The following ATP6V0A4 variants were observed in gnomAD, a reference collection of about 807,000 sequenced individuals.
ATP6V0A4 encodes the protein V-type proton ATPase 116 kDa subunit a 4.
In ATP6V0A4, 86 loss-of-function variants were observed where a neutral mutation model predicts 107.3. That is an observed-to-expected ratio of 0.80 (90% CI 0.67 to 0.96). ATP6V0A4 has a LOEUF of 0.96. ATP6V0A4 is among the 40% of genes least tolerant of loss of function. ATP6V0A4 has a pLI of 0.00. For missense variants in ATP6V0A4, 908 were observed against 1,045.6 expected (o/e 0.87, Z 1.81); for synonymous variants, 353 against 381.4 (o/e 0.93, Z 0.87).
Position 138,796,819 on chromosome 7 carries a change from G to A in ATP6V0A4, c.-121+1215C>T, listed in dbSNP as rs958726536. Among the ~76,000 whole-genome samples, 8 of 150,414 alleles carry A rather than the reference G, an allele frequency of 5.3e-5. 1 individual carries two copies. The highest frequency in any genetic ancestry group is 4.2e-4 in the South Asian group (2 of 4,758). On this transcript the variant is annotated intron_variant, in intron 1 of 21. Transcript: ENST00000310018. ...CACTGTGCTCTCAAGGGGAAGAGGC[G>A]TGTCTCAGTCATCTCAGTCTCCAGT... is the stretch of plus-strand genomic sequence containing the variant.
intron 19 of ATP6V0A4, among the ~76,000 whole-genome samples, chr7:138,716,260 G>A (rs1448615981): frequency 2.0e-5 from 3 of 152,140 alleles, no homozygotes; most frequent in Admixed American, 6.6e-5. Flanking sequence ...TAGTCAAGTC[G>A]GAAAGAAAAC....
At position 138,707,828 on chromosome 7, in the gene ATP6V0A4, T is replaced by C. The variant is rs77901585; in HGVS notation, c.2430-1111A>G. ...ATGGTCACAGCATAACAACTCTTCC[T>C]TCATGGAAGGAGCTTCCCCACCCCC... is the stretch of plus-strand genomic sequence containing the variant. On this transcript the variant is annotated intron_variant, in intron 21 of 21. Transcript: ENST00000310018. Among the ~76,000 whole-genome samples the C allele has an allele frequency of 4.4e-3, 671 of 151,086 alleles. 8 individuals carry two copies. Among genetic ancestry groups the C allele is most frequent in the South Asian group, 0.027 (126 of 4,730 alleles).
At chr7:138,711,775 C>T (rs954818153) in intron 20 of ATP6V0A4, among the ~76,000 whole-genome samples, 10 of 152,254 alleles carry the variant, frequency 6.6e-5, no homozygotes, top group African/African-American at 2.4e-4. Flanking sequence ...CTTGCACAAA[C>T]TCACATACGC....
At chr7:138,764,366 T>C (rs2117320657) in intron 5 of ATP6V0A4, among the ~76,000 whole-genome samples, 1 of 152,202 alleles carries the variant, frequency 6.6e-6, no homozygotes, top group African/African-American at 2.4e-5. Context: ...TTATAAAAAT[T>C]CTACTAATGC....
chr7:138,734,506 G>C (rs563540005), intron 15 of ATP6V0A4, among the ~76,000 whole-genome samples: 1 of 152,160 alleles, frequency 6.6e-6, no homozygotes, highest in Non-Finnish European at 1.5e-5. Context: ...GGAAACAGGG[G>C]AGAAAAATCC....
intron 14 of ATP6V0A4, among the ~76,000 whole-genome samples, chr7:138,740,693 C>T (rs942907067): frequency 2.6e-5 from 4 of 151,770 alleles, no homozygotes; most frequent in Non-Finnish European, 4.4e-5. Context: ...CCGCCTGCCT[C>T]GGCCTCCCAA....
At chr7:138,712,160 G>C (rs1280904682) in intron 20 of ATP6V0A4, among the ~76,000 whole-genome samples, 1 of 152,130 alleles carries the variant, frequency 6.6e-6, no homozygotes, top group Non-Finnish European at 1.5e-5. Flanking sequence ...TCGAACTCCT[G>C]ACCTCAGGTA....
chr7:138,750,852 C>T (rs1355736348), intron 11 of ATP6V0A4, among the ~76,000 whole-genome samples: 1 of 152,156 alleles, frequency 6.6e-6, no homozygotes, highest in Non-Finnish European at 1.5e-5. Flanking sequence ...GTATTCAAAC[C>T]CTGCCTCCTG....
rs142818468 is a variant in ATP6V0A4 at position 138,739,614 on chromosome 7, T to C, written c.1498A>G (p.Ser500Gly). 2,041 of 1,614,146 alleles carry C rather than the reference T, an allele frequency of 1.3e-3. 37 individuals carry two copies. The South Asian group carries it at 0.016, about 13-fold the overall frequency. ...GTWNTHVMEE[S>G]LYLQLDPAIP... is the part of the protein sequence containing the mutation. The stretch of plus-strand genomic sequence containing the variant: ...GCTGGGTCCAGCTGCAGATATAGAC[T>C]TTCCTCCATTACATGAGTACTTTAG... The change falls in exon 15 of 22, where the codon AGT (serine) becomes GGT (glycine). Residue 500 changes from serine (S) to glycine (G), a missense_variant. By Grantham distance (56) the Ser-to-Gly change is moderately conservative. Transcript: ENST00000310018.
At chr7:138,774,893 A>G (rs1435149980) in intron 2 of ATP6V0A4, among the ~76,000 whole-genome samples, 1 of 152,096 alleles carries the variant, frequency 6.6e-6, no homozygotes, top group East Asian at 1.9e-4. Context: ...AGGTAAAAAG[A>G]GACAGAAGCA....
rs765535735 is a variant in ATP6V0A4 at position 138,706,622 on chromosome 7, G to A, written c.*2C>T. On this transcript the variant is annotated 3_prime_UTR_variant, in exon 22 of 22. Transcript: ENST00000310018. ...ACCACCGTGGGAGGTGCAGCCCTCA[G>A]CCTACTCCTCGGCTGTGCCATCCAG... is the stretch of plus-strand genomic sequence containing the variant. 1 of 1,613,848 alleles carries A rather than the reference G, an allele frequency of 6.2e-7. No individual in the cohort carries two copies. The highest frequency in any genetic ancestry group is 8.5e-7 in the Non-Finnish European group (1 of 1,179,886).
intron 12 of ATP6V0A4, 87 bp from the exon 13 acceptor site, chr7:138,747,651 G>A (rs1806023226): frequency 6.4e-7 from 1 of 1,566,824 alleles, no homozygotes; most frequent in Non-Finnish European, 8.7e-7. Flanking sequence ...TCCACGATTT[G>A]CATGCGGGTT....
Position 138,771,197 on chromosome 7 carries a change from G to C in ATP6V0A4, c.51C>G (p.Leu17=), listed in dbSNP as rs1398454105. The C allele has an allele frequency of 6.2e-7, 1 of 1,614,126 alleles. No individual in the cohort carries two copies. The highest frequency in any genetic ancestry group is 8.5e-7 in the Non-Finnish European group (1 of 1,180,020). The change falls in exon 3 of 22, where the codon CTC becomes CTG. Residue 17 remains leucine (L), a synonymous_variant. Coordinates refer to ENST00000310018, the MANE Select transcript of ATP6V0A4 (RefSeq NM_020632.3). ...SEEMCLSQLF[L]QVEAAYCCVA... is the part of the protein sequence containing the mutation. ...CACAGCAATATGCAGCTTCCACCTG[G>C]AGAAACAGTTGTGACAAACACATCT... is the stretch of plus-strand genomic sequence containing the variant.
chr7:138,707,119 TATA>T (rs1210902718), intron 21 of ATP6V0A4, among the ~76,000 whole-genome samples: 20 of 70,512 alleles, frequency 2.8e-4, no homozygotes, highest in African/African-American at 9.4e-4. Flanking sequence ...TATTATTATA[TATA>T]ATATTATATA....
chr7:138,755,839 A>G, intron 9 of ATP6V0A4, 57 bp from the exon 10 acceptor site: 1 of 1,596,406 alleles, frequency 6.3e-7, no homozygotes, highest in Non-Finnish European at 8.5e-7. Context: ...AGCATTCTGC[A>G]TCCCCTTTTC....
At chr7:138,728,631 G>T in intron 18 of ATP6V0A4, 130 bp downstream of exon 18, 2 of 1,233,448 alleles carry the variant, frequency 1.6e-6, no homozygotes, top group Non-Finnish European at 2.4e-6. Flanking sequence ...TACTCAGGGC[G>T]GGTCAGTTCC....
chr7:138,739,278 G>A lies in ATP6V0A4; in HGVS notation c.1572+262C>T, dbSNP rs3734939. ...CAACCAAGTGCCTTTTAAAGAAGCA[G>A]TTATTAACCACCAGGGATATGATTG... On this transcript the variant is annotated intron_variant, in intron 15 of 21. Coordinates refer to ENST00000310018, the MANE Select transcript of ATP6V0A4 (RefSeq NM_020632.3). 0.6 allele frequency among the ~76,000 whole-genome samples: 90,386 copies of A among 151,806 alleles called. 27,462 individuals are homozygous for A. The highest frequency in any genetic ancestry group is 0.92 in the East Asian group (4,720 of 5,154).
intron 8 of ATP6V0A4, among the ~76,000 whole-genome samples, chr7:138,758,141 T>C (rs3857872): frequency 0.18 from 26,902 of 147,980 alleles, 2,535 homozygotes; most frequent in Middle Eastern, 0.24. Context: ...GACTGTCATA[T>C]GTCAAAACAG....
intron 19 of ATP6V0A4, 142 bp from the exon 20 acceptor site, chr7:138,716,023 C>T (rs1804017181): frequency 8.5e-7 from 1 of 1,183,396 alleles, no homozygotes; most frequent in Non-Finnish European, 1.2e-6. Flanking sequence ...TAGTAATAGA[C>T]TTAGAGAAAG....
Sources: allele counts gnomAD v4.1 joint callset (sites outside exome capture counted in the v4.1 genomes callset), GRCh38; gene constraint gnomAD v4.1.1; transcripts MANE v1.5; gene names NCBI Gene and HGNC (gene_info 2026-07-23, HGNC 2026-07-21).